Variants in PAFAH1B2 observed in about 807,000 individuals in gnomAD.
The protein encoded by PAFAH1B2 is platelet activating factor acetylhydrolase 1b catalytic subunit 2, also known as platelet-activating factor acetylhydrolase IB subunit alpha2.
Under a neutral mutation model 28.0 loss-of-function variants are expected in PAFAH1B2, and 8 were observed. The ratio of observed to expected loss-of-function variants is 0.29; its 90% confidence interval spans 0.17 to 0.52. The LOEUF (loss-of-function observed/expected upper bound fraction) is 0.52. Among genes scored for constraint, PAFAH1B2 ranks in the 20% least tolerant of loss-of-function variants. PAFAH1B2 has a pLI of 0.97. For missense variants in PAFAH1B2, 190 were observed against 282.6 expected (o/e 0.67, Z 2.35); for synonymous variants, 104 against 103.2 (o/e 1.01, Z -0.05).
intron 4 of PAFAH1B2, among the ~76,000 whole-genome samples, chr11:117,161,588 A>G (rs185937371): frequency 4.2e-4 from 63 of 150,188 alleles, no homozygotes; most frequent in African/African-American, 1.2e-3. Context: ...AGCTCACTGC[A>G]ACCTCCGCCT....
downstream of PAFAH1B2, among the ~76,000 whole-genome samples, chr11:117,173,693 T>G: frequency 6.6e-6 from 1 of 152,176 alleles, no homozygotes; most frequent in East Asian, 1.9e-4. Flanking sequence ...TGTGACAGGT[T>G]TGAGACCTTC....
At chr11:117,162,535 C>A (rs747304041) in intron 4 of PAFAH1B2, among the ~76,000 whole-genome samples, 1 of 148,364 alleles carries the variant, frequency 6.7e-6, no homozygotes, top group African/African-American at 2.5e-5. Context: ...GAGGCTGAGG[C>A]ACGCAGATCA....
In PAFAH1B2 at chr11:117,168,486, T is replaced by C. The variant is rs1956572362; in HGVS notation, c.*787T>C. ...TTTTTTTTTTTGGTTCTTGTTGACA[T>C]TACAAGCTTTTAACACATTTTTGAC... On this transcript the variant is annotated 3_prime_UTR_variant, in exon 6 of 6. Transcript: ENST00000527958. The C allele has an allele frequency of 1.1e-6, 1 of 869,892 alleles. No individual in the cohort carries two copies. The highest frequency in any genetic ancestry group is 2.0e-5 in the African/African-American group (1 of 49,072). 53.9% of individuals were successfully genotyped at this position (869,892 alleles called of 1,614,324 possible). A position where few individuals can be genotyped will look rare whatever the true frequency, so the allele number is the denominator to read the frequency against.
Position 117,169,373 on chromosome 11 carries a change from G to GA in PAFAH1B2, c.*1676dup, listed in dbSNP as rs1242846594. On this transcript the variant is annotated 3_prime_UTR_variant, in exon 6 of 6. Transcript: ENST00000527958. Reference sequence around the variant, plus strand: ...TACAAACTGGATCTATAGATATTTTGAACTGGACCAGGTGGGTATTGAAGT... The same window carrying GA: ...TACAAACTGGATCTATAGATATTTTGAAACTGGACCAGGTGGGTATTGAAGT... 9.5e-7 allele frequency: 1 copy of GA among 1,050,744 alleles called. No homozygotes were observed. Among genetic ancestry groups the GA allele is most frequent in the Non-Finnish European group, 1.1e-6 (1 of 870,322 alleles). 65.1% of individuals were successfully genotyped at this position (1,050,744 alleles called of 1,614,324 possible). A position where few individuals can be genotyped will look rare whatever the true frequency, so the allele number is the denominator to read the frequency against.
chr11:117,163,708 T>TG (rs1332818716), intron 4 of PAFAH1B2, 62 bp from the exon 5 acceptor site: 11 of 1,539,986 alleles, frequency 7.1e-6, no homozygotes, highest in Middle Eastern at 3.4e-4. Context: ...ATCTAAATGT[T>TG]GGACGTTCCT....
At chr11:117,171,611 T>C (rs1304483034), downstream of PAFAH1B2, 4 of 1,000,164 alleles carry the variant, frequency 4.0e-6, no homozygotes, top group East Asian at 1.0e-4. Context: ...TTATCACCCT[T>C]ACGTCCCCAG....
chr11:117,167,583 TTTGA>T lies in PAFAH1B2; in HGVS notation c.577_580del (p.Asp193PhefsTer4). 1 of 1,612,816 alleles carries T rather than the reference TTTGA, an allele frequency of 6.2e-7. No individual in the cohort carries two copies. The highest frequency in any genetic ancestry group is 8.5e-7 in the Non-Finnish European group (1 of 1,179,226). On this transcript the variant is annotated frameshift_variant, in exon 6 of 6. Transcript: ENST00000527958. LOFTEE classifies it high-confidence loss of function. ...CGGTGCCATCTCCTGCCACGACATG[TTTGA>T]TTTTCTGCATCTGACAGGAGGGGGC...
downstream of PAFAH1B2, among the ~76,000 whole-genome samples, chr11:117,174,164 T>TTG (rs55735449): frequency 0.097 from 13,415 of 138,760 alleles, 588 homozygotes; most frequent in Middle Eastern, 0.14. Context: ...TTCATGTCTT[T>TTG]TGTGTGTGTG....
intron 1 of PAFAH1B2, among the ~76,000 whole-genome samples, chr11:117,147,224 C>T (rs527895439): frequency 1.3e-5 from 2 of 152,212 alleles, no homozygotes; most frequent in South Asian, 4.1e-4. Context: ...GCCAAGGTCG[C>T]GCCGTTGTAC....
At chr11:117,146,114 CTTTT>C (rs376242740) in intron 1 of PAFAH1B2, among the ~76,000 whole-genome samples, 133 of 137,942 alleles carry the variant, frequency 9.6e-4, no homozygotes, top group Middle Eastern at 3.8e-3. Flanking sequence ...GTCTTTCTTT[CTTTT>C]TTTTTTTTTT....
chr11:117,171,205 C>T (rs3741295), downstream of PAFAH1B2, among the ~76,000 whole-genome samples: 37 of 152,210 alleles, frequency 2.4e-4, no homozygotes, highest in East Asian at 6.6e-3. Flanking sequence ...CTTACCTTCT[C>T]GGGCATGTAG....
At chr11:117,158,799 C>T (rs1956309260) in intron 2 of PAFAH1B2, among the ~76,000 whole-genome samples, 1 of 152,076 alleles carries the variant, frequency 6.6e-6, no homozygotes, top group Non-Finnish European at 1.5e-5. Flanking sequence ...CACCCGCCAC[C>T]ACACCTGGCT....
At chr11:117,156,765 G>A (rs4938352) in intron 2 of PAFAH1B2, among the ~76,000 whole-genome samples, 110,367 of 152,006 alleles carry the variant, frequency 0.73, 41,057 homozygotes, top group Non-Finnish European at 0.82. Flanking sequence ...TCAGGCCTGT[G>A]ATCTCTCAGC....
chr11:117,173,624 G>A (rs1159632800), downstream of PAFAH1B2, among the ~76,000 whole-genome samples: 1 of 152,212 alleles, frequency 6.6e-6, no homozygotes, highest in Non-Finnish European at 1.5e-5. Flanking sequence ...GCAGCTCCCA[G>A]TGACTGTAGA....
Position 117,146,492 on chromosome 11 carries a change from C to G in PAFAH1B2, c.-8+2074C>G, listed in dbSNP as rs192349994. On this transcript the variant is annotated intron_variant, in intron 1 of 5. Transcript: ENST00000527958. Reference sequence around the variant, plus strand: ...TTCGTTTCAATTGGAAAGAATACAACAGCTGGAGCCTGAGCAACATGGCAA... The same window carrying G: ...TTCGTTTCAATTGGAAAGAATACAAGAGCTGGAGCCTGAGCAACATGGCAA... Among the ~76,000 whole-genome samples, 213 of 152,294 alleles carry G rather than the reference C, an allele frequency of 1.4e-3. 5 individuals carry two copies. The highest frequency in any genetic ancestry group is 3.5e-4 in the Non-Finnish European group (24 of 68,016).
chr11:117,171,180 C>T (rs761888636), downstream of PAFAH1B2: 122 of 528,778 alleles, frequency 2.3e-4, no homozygotes, highest in Non-Finnish European at 2.9e-4. Context: ...CTGAATGCAC[C>T]AGGCTGACTC....
intron 2 of PAFAH1B2, among the ~76,000 whole-genome samples, chr11:117,158,487 A>T (rs968393895): frequency 1.4e-4 from 22 of 152,132 alleles, no homozygotes; most frequent in African/African-American, 5.3e-4. Flanking sequence ...GTTAACAGAT[A>T]TTTTCAAAGT....
intron 2 of PAFAH1B2, 121 bp downstream of exon 2, chr11:117,152,649 C>A: frequency 1.4e-6 from 1 of 697,212 alleles, no homozygotes; most frequent in Non-Finnish European, 2.6e-6. Flanking sequence ...AACTGCAGGG[C>A]TCAAGTGATC....
intron 2 of PAFAH1B2, among the ~76,000 whole-genome samples, chr11:117,156,688 TC>T (rs1005862124): frequency 6.6e-6 from 1 of 152,080 alleles, no homozygotes; most frequent in Non-Finnish European, 1.5e-5. Flanking sequence ...AGTCTTAAAT[TC>T]CACGACTCTA....
Sources: allele counts gnomAD v4.1 joint callset (sites outside exome capture counted in the v4.1 genomes callset), GRCh38; gene constraint gnomAD v4.1.1; transcripts MANE v1.5; gene names NCBI Gene and HGNC (gene_info 2026-07-23, HGNC 2026-07-21).